ATP8B4: variants seen among roughly 807,000 people sequenced by gnomAD.
ATP8B4 encodes the protein probable phospholipid-transporting ATPase IM.
In ATP8B4, 133 loss-of-function variants were observed where a neutral mutation model predicts 145.6. That is an observed-to-expected ratio of 0.91 (90% CI 0.79 to 1.05). The LOEUF is 1.05. ATP8B4 is among the 50% of genes least tolerant of loss of function. ATP8B4 has a pLI of 0.00. For missense variants in ATP8B4, 1,458 were observed against 1,425.2 expected (o/e 1.02, Z -0.37); for synonymous variants, 507 against 492.9 (o/e 1.03, Z -0.38).
intron 10 of ATP8B4, among the ~76,000 whole-genome samples, chr15:49,983,105 C>T (rs1179336969): frequency 6.6e-6 from 1 of 152,174 alleles, no homozygotes; most frequent in African/African-American, 2.4e-5. Context: ...ACTCAATCTA[C>T]CTTCCCTGAG....
chr15:50,003,274 A>ATGTG (rs10539979), intron 7 of ATP8B4, among the ~76,000 whole-genome samples: 11,302 of 141,092 alleles, frequency 0.08, 438 homozygotes, highest in South Asian at 0.13. Flanking sequence ...TAGGGTGTGC[A>ATGTG]TGTGTGTGTG....
intron 3 of ATP8B4, among the ~76,000 whole-genome samples, chr15:50,072,531 A>C (rs911030768): frequency 6.6e-6 from 1 of 152,206 alleles, no homozygotes; most frequent in Non-Finnish European, 1.5e-5. Flanking sequence ...AATGAAAAAA[A>C]TCCTCACTTA....
chr15:50,073,003 TATATATATATATATATACAC>T (rs1344520957), intron 3 of ATP8B4, among the ~76,000 whole-genome samples: 2,974 of 59,848 alleles, frequency 0.05, 176 homozygotes, highest in Middle Eastern at 0.11. Flanking sequence ...TATATATATA[TATATATATATATATATACAC>T]ACACACACAC....
intron 6 of ATP8B4, among the ~76,000 whole-genome samples, chr15:50,035,125 C>A (rs565822892): frequency 1.3e-5 from 2 of 151,964 alleles, no homozygotes; most frequent in Non-Finnish European, 2.9e-5. Flanking sequence ...AAGATTTGTC[C>A]TGATTTGAAA....
At chr15:50,040,465 G>A (rs147746881) in intron 5 of ATP8B4, among the ~76,000 whole-genome samples, 1 of 152,266 alleles carries the variant, frequency 6.6e-6, no homozygotes, top group Non-Finnish European at 1.5e-5. Flanking sequence ...CCAATTTCAG[G>A]ATAACCTCTG....
chr15:50,105,851 T>C (rs1011069786), intron 2 of ATP8B4, among the ~76,000 whole-genome samples: 3 of 152,188 alleles, frequency 2.0e-5, no homozygotes, highest in African/African-American at 7.2e-5. Flanking sequence ...CTGGGTCCTG[T>C]TGAAAACTTG....
intron 3 of ATP8B4, among the ~76,000 whole-genome samples, chr15:50,072,842 G>A (rs1025088370): frequency 6.8e-6 from 1 of 146,208 alleles, no homozygotes; most frequent in Non-Finnish European, 1.5e-5. Flanking sequence ...GGCTGGTCTC[G>A]AACCCCTGAC....
chr15:49,920,886 CACA>C (rs1167171239), intron 17 of ATP8B4, among the ~76,000 whole-genome samples: 11 of 152,174 alleles, frequency 7.2e-5, no homozygotes, highest in African/African-American at 2.7e-4. Context: ...CCCCAGGAAC[CACA>C]ACATGACATC....
At chr15:50,050,138 T>C (rs2052062950) in intron 3 of ATP8B4, among the ~76,000 whole-genome samples, 1 of 152,196 alleles carries the variant, frequency 6.6e-6, no homozygotes, top group African/African-American at 2.4e-5. Flanking sequence ...TGATTTATTT[T>C]ACAGACATTT....
intron 1 of ATP8B4, among the ~76,000 whole-genome samples, chr15:50,116,155 T>C (rs1017896956): frequency 6.6e-6 from 1 of 152,196 alleles, no homozygotes; most frequent in Non-Finnish European, 1.5e-5. Flanking sequence ...TGGTGGCTCA[T>C]GCCCGTAATT....
intron 6 of ATP8B4, among the ~76,000 whole-genome samples, chr15:50,032,658 C>A (rs779732398): frequency 2.6e-5 from 4 of 152,014 alleles, no homozygotes; most frequent in African/African-American, 7.3e-5. Context: ...AGAAATGGTA[C>A]GTGAATTGTG....
chr15:49,987,665 T>A (rs2046732592), intron 9 of ATP8B4, 116 bp from the exon 10 acceptor site: 1 of 1,063,256 alleles, frequency 9.4e-7, no homozygotes, highest in Non-Finnish European at 1.3e-6. Context: ...TGGGGTTACA[T>A]ATAAAGAATT....
chr15:50,138,343 T>TAGAC (rs1330061423), intron 1 of ATP8B4, among the ~76,000 whole-genome samples: 7 of 51,876 alleles, frequency 1.3e-4, no homozygotes, highest in Admixed American at 1.1e-3. Flanking sequence ...GATAGATAGA[T>TAGAC]AGATAGATAG....
At position 50,058,411 on chromosome 15, in the gene ATP8B4, G is replaced by C. The variant is rs143077258; in HGVS notation, c.88-10947C>G. Among the ~76,000 whole-genome samples, 569 of 152,286 alleles carry C rather than the reference G, an allele frequency of 3.7e-3. 8 individuals are homozygous for C. The highest frequency in any genetic ancestry group is 0.013 in the African/African-American group (535 of 41,542). On this transcript the variant is annotated intron_variant, in intron 3 of 27. Coordinates refer to ENST00000284509, the MANE Select transcript of ATP8B4 (RefSeq NM_024837.4). ...TAGACCATGTTCACACTGCTGTGTA[G>C]TCTGGGAACTAGGCCAAATTTCAAG...
At chr15:50,068,545 T>C (rs2053531726) in intron 3 of ATP8B4, among the ~76,000 whole-genome samples, 1 of 152,224 alleles carries the variant, frequency 6.6e-6, no homozygotes, top group South Asian at 2.1e-4. Context: ...CATAAGCCTA[T>C]GCACTTCCTA....
chr15:50,157,421 C>G (rs2044435954), intron 1 of ATP8B4, among the ~76,000 whole-genome samples: 2 of 152,212 alleles, frequency 1.3e-5, no homozygotes, highest in Admixed American at 1.3e-4. Flanking sequence ...ATCATCCATT[C>G]TTTACAACAG....
At chr15:50,146,281 G>A (rs2044276472) in intron 1 of ATP8B4, among the ~76,000 whole-genome samples, 1 of 152,098 alleles carries the variant, frequency 6.6e-6, no homozygotes, top group Non-Finnish European at 1.5e-5. Flanking sequence ...AAAGTGCCGG[G>A]ATTACAGGCA....
chr15:50,097,186 A>C (rs2056044394), intron 2 of ATP8B4, among the ~76,000 whole-genome samples: 1 of 152,188 alleles, frequency 6.6e-6, no homozygotes, highest in African/African-American at 2.4e-5. Flanking sequence ...TTAAACATAT[A>C]AATTAATACA....
At chr15:50,064,321 C>T (rs1396109989) in intron 3 of ATP8B4, among the ~76,000 whole-genome samples, 1 of 152,080 alleles carries the variant, frequency 6.6e-6, no homozygotes, top group East Asian at 1.9e-4. Flanking sequence ...ACACATAAAA[C>T]CCAGTACAAT....
Sources: gnomAD v4.1 joint callset for allele counts (sites outside exome capture counted in the v4.1 genomes callset) on GRCh38, gnomAD v4.1.1 for gene constraint, MANE v1.5 for transcripts, NCBI Gene and HGNC (gene_info 2026-07-23, HGNC 2026-07-21) for gene names.